FMNL3: variants seen among roughly 807,000 people sequenced by gnomAD.
The protein encoded by FMNL3 is formin-like protein 3.
A neutral mutation model predicts 119.6 loss-of-function variants in FMNL3; 57 were observed. That is an observed-to-expected ratio of 0.48 (90% CI 0.39 to 0.59). The LOEUF is 0.59. Among genes scored for constraint, FMNL3 ranks in the 20% least tolerant of loss-of-function variants. The pLI, the probability that FMNL3 is intolerant of heterozygous loss-of-function variation, is 0.00. For missense variants in FMNL3, 1,053 were observed against 1,323.5 expected, an observed-to-expected ratio of 0.80 and a Z score of 3.17; for synonymous variants, 491 against 507.3, an observed-to-expected ratio of 0.97 and a Z score of 0.43.
rs138237457 is a variant in FMNL3, at chr12:49,654,892, C to T, written c.960+18G>A. 2.5e-6 allele frequency: 4 copies of T among 1,613,008 alleles called. No individual in the cohort carries two copies. Among genetic ancestry groups the T allele is most frequent in the Non-Finnish European group, 3.4e-6 (4 of 1,179,344 alleles). ...CAGCCCTGGTGGGTATGTGCTGGAC[C>T]CAGGCCCAGTTCCTCACCATGAAGT... On this transcript the variant is annotated intron_variant, in intron 10 of 25. Coordinates refer to ENST00000335154, the MANE Select transcript of FMNL3 (RefSeq NM_175736.5).
At chr12:49,697,185 T>C (rs1450887020) in intron 1 of FMNL3, among the ~76,000 whole-genome samples, 1 of 152,164 alleles carries the variant, frequency 6.6e-6, no homozygotes, top group African/African-American at 2.4e-5. Flanking sequence ...GGGGTGAGTG[T>C]AGTATGTACA....
At chr12:49,703,164 T>A (rs1944954787) in intron 1 of FMNL3, among the ~76,000 whole-genome samples, 2 of 152,176 alleles carry the variant, frequency 1.3e-5, no homozygotes, top group Admixed American at 1.3e-4. Flanking sequence ...AAGTCTGTAG[T>A]AAATCAACAA....
rs1287828934 is a variant in FMNL3 at position 49,648,236 on chromosome 12, T to C, written c.2633A>G (p.Glu878Gly). The change falls in exon 22 of 26, where the codon GAA (glutamate) becomes GGA (glycine). Residue 878 changes from glutamate to glycine, a missense_variant. Around this residue, in one of 4 missense-constraint regions of FMNL3, gnomAD observed 324 missense variants for 380.9 expected, o/e 0.85. Coordinates refer to ENST00000335154, the MANE Select transcript of FMNL3 (RefSeq NM_175736.5). Reference protein sequence around the residue: ...SVLRNFLSTNEGKLDKLQRDA... With the variant: ...SVLRNFLSTNGGKLDKLQRDA... ...CCGCTGGAGCTTGTCTAGTTTGCCT[T>C]CATTGGTACTGAGGAAGTTCCGGAG... 1 of 1,613,934 alleles carries C rather than the reference T, an allele frequency of 6.2e-7. No individual in the cohort carries two copies. Among genetic ancestry groups the C allele is most frequent in the Non-Finnish European group, 8.5e-7 (1 of 1,179,932 alleles).
rs1459243483 is a variant in FMNL3 at position 49,637,012 on chromosome 12, A to G, written c.*8803T>C. 9.4e-7 allele frequency: 1 copy of G among 1,068,784 alleles called. No homozygotes were observed. The highest frequency in any genetic ancestry group is 1.3e-6 in the Non-Finnish European group (1 of 746,470). 66.2% of individuals were successfully genotyped at this position (1,068,784 alleles called of 1,614,324 possible). A position where few individuals can be genotyped will look rare whatever the true frequency, so the allele number is the denominator to read the frequency against. ...TCTGCCTGCAGTCTGTTTCTGCTGT[A>G]CCTCCTCAATTCTGGACTGTGCTCT... On this transcript the variant is annotated 3_prime_UTR_variant, in exon 26 of 26. Transcript: ENST00000335154.
chr12:49,677,885 T>C (rs932414805), intron 1 of FMNL3, among the ~76,000 whole-genome samples: 2 of 152,178 alleles, frequency 1.3e-5, no homozygotes, highest in African/African-American at 4.8e-5. Context: ...ATTTTTGAGA[T>C]GGAGTCTCGC....
chr12:49,688,808 T>A (rs1047715425), intron 1 of FMNL3, among the ~76,000 whole-genome samples: 6 of 152,134 alleles, frequency 3.9e-5, no homozygotes, highest in Non-Finnish European at 5.9e-5. Flanking sequence ...CAAAATACAA[T>A]GTATAAGAAA....
intron 1 of FMNL3, among the ~76,000 whole-genome samples, chr12:49,700,435 C>CTGGACGCA (rs1383053230): frequency 6.8e-6 from 1 of 146,126 alleles, no homozygotes; most frequent in Non-Finnish European, 1.5e-5. Flanking sequence ...GTAAGATACG[C>CTGGACGCA]TGGACGCAGT....
chr12:49,684,249 T>C (rs1054654150), intron 1 of FMNL3, among the ~76,000 whole-genome samples: 13 of 152,302 alleles, frequency 8.5e-5, no homozygotes, highest in Middle Eastern at 6.8e-3. Flanking sequence ...TCTCTGTTTC[T>C]AGGCAGGGAA....
Position 49,647,342 on chromosome 12 carries a change from G to T in FMNL3, c.2805C>A (p.Arg935=), listed in dbSNP as rs1277685547. 2 of 1,613,428 alleles carry T rather than the reference G, an allele frequency of 1.2e-6. No homozygotes were observed. Among genetic ancestry groups the T allele is most frequent in the African/African-American group, 1.3e-5 (1 of 75,030 alleles). ...YKEAEQENEA[R]KKQEEVMREK... is the part of the protein sequence containing the mutation. ...CCCGCATTACCTCCTCCTGCTTCTT[G>T]CGGGCTTCATTCTCTTGTTCTGCTT... Residue 935 remains arginine, a synonymous_variant, in exon 24 of 26, where the codon CGC becomes CGA. Transcript: ENST00000335154. The surrounding 1 kb of genome is among the most constrained non-coding windows in gnomAD (Gnocchi z 4.9).
chr12:49,658,623 T>A (rs760675604), intron 5 of FMNL3, 29 bp from the exon 6 acceptor site: 1 of 1,574,298 alleles, frequency 6.4e-7, no homozygotes, highest in Non-Finnish European at 8.6e-7. Flanking sequence ...CACATGCGCA[T>A]ACACAGGCAC....
At position 49,706,943 on chromosome 12, in the gene FMNL3, C is replaced by T. The variant is rs910454045; in HGVS notation, c.126+112G>A. 9.5e-6 allele frequency: 12 copies of T among 1,258,062 alleles called. No individual in the cohort carries two copies. The African/African-American group carries it at 1.6e-4, about 17-fold the overall frequency. 77.9% of individuals were successfully genotyped at this position (1,258,062 alleles called of 1,614,324 possible). A position where few individuals can be genotyped will look rare whatever the true frequency, so the allele number is the denominator to read the frequency against. ...AAGACACTGGAGGCCGGGATCCGTT[C>T]GGGACCCCGACTGAAAGGGTGGGCG... is the stretch of plus-strand genomic sequence containing the variant. On this transcript the variant is annotated intron_variant, in intron 1 of 25. Transcript: ENST00000335154.
chr12:49,671,508 T>C (rs1944045363), intron 1 of FMNL3, among the ~76,000 whole-genome samples: 1 of 152,348 alleles, frequency 6.6e-6, no homozygotes, highest in Admixed American at 6.5e-5. Flanking sequence ...AACGGGTCAC[T>C]GGCTGCCAGT....
Position 49,643,686 on chromosome 12 carries a change from T to C in FMNL3, c.*2129A>G, listed in dbSNP as rs1237836173. On this transcript the variant is annotated 3_prime_UTR_variant, in exon 26 of 26. Coordinates refer to ENST00000335154, the MANE Select transcript of FMNL3 (RefSeq NM_175736.5). The stretch of plus-strand genomic sequence containing the variant: ...GGGACTTAGTAGGGATTTTTCTATC[T>C]CTAGATCATGGCCTTCGGAAAGCCA... 6.2e-7 allele frequency: 1 copy of C among 1,613,698 alleles called. No homozygotes were observed. The highest frequency in any genetic ancestry group is 8.5e-7 in the Non-Finnish European group (1 of 1,179,882).
intron 4 of FMNL3, among the ~76,000 whole-genome samples, chr12:49,662,717 G>A (rs557614404): frequency 2.0e-5 from 3 of 152,314 alleles, no homozygotes; most frequent in South Asian, 2.1e-4. Context: ...ACCTGAGTAC[G>A]TGGGTCCCCC....
At chr12:49,698,534 A>C (rs980938105) in intron 1 of FMNL3, among the ~76,000 whole-genome samples, 2 of 151,842 alleles carry the variant, frequency 1.3e-5, no homozygotes, top group Non-Finnish European at 2.9e-5. Flanking sequence ...CAAAAAAAAA[A>C]AACACCCTAT....
Position 49,688,110 on chromosome 12 carries a change from G to A in FMNL3, c.126+18945C>T, listed in dbSNP as rs140650073. On this transcript the variant is annotated intron_variant, in intron 1 of 25. Coordinates refer to ENST00000335154, the MANE Select transcript of FMNL3 (RefSeq NM_175736.5). Reference sequence around the variant, plus strand: ...CCAACCCATCAAATTATAGGCTCAGGCCACTGGGAGGCACGCCAAACACTG... The same window carrying A: ...CCAACCCATCAAATTATAGGCTCAGACCACTGGGAGGCACGCCAAACACTG... Among the ~76,000 whole-genome samples the A allele has an allele frequency of 1.0e-3, 155 of 152,324 alleles. 1 individual carries two copies. In the East Asian group the frequency reaches 0.016, roughly 16 times the overall value.
intron 9 of FMNL3, 85 bp from the exon 10 acceptor site, chr12:49,655,069 C>A: frequency 8.0e-7 from 1 of 1,252,490 alleles, no homozygotes; most frequent in Non-Finnish European, 1.1e-6. Context: ...AACATCATGG[C>A]AAAGGACTGG....
intron 21 of FMNL3, 146 bp downstream of exon 21, chr12:49,648,883 G>A: frequency 7.8e-7 from 1 of 1,280,188 alleles, no homozygotes; most frequent in South Asian, 1.7e-5. Flanking sequence ...CCTGCTTAAG[G>A]CTCCAGCGGA....
Position 49,636,809 on chromosome 12 carries a change from G to C in FMNL3, c.*9006C>G. ...GAGGAACGGGAGCGGGCCCGGCTTC[G>C]GGAGCGACGCCAACAACGCAAGAAT... On this transcript the variant is annotated 3_prime_UTR_variant, in exon 26 of 26. Coordinates refer to ENST00000335154, the MANE Select transcript of FMNL3 (RefSeq NM_175736.5). 1.9e-6 allele frequency: 3 copies of C among 1,614,176 alleles called. No individual in the cohort carries two copies. The highest frequency in any genetic ancestry group is 2.5e-6 in the Non-Finnish European group (3 of 1,180,044).
Sources: gnomAD v4.1 joint callset for allele counts (sites outside exome capture counted in the v4.1 genomes callset) on GRCh38, gnomAD v4.1.1 for gene constraint, gnomAD v4.1.1 regional missense constraint, Gnocchi (gnomAD v3.1) non-coding constraint, MANE v1.5 for transcripts, NCBI Gene and HGNC (gene_info 2026-07-23, HGNC 2026-07-21) for gene names.